SORBS2: variants seen among roughly 807,000 people sequenced by gnomAD.
SORBS2 encodes the protein sorbin and SH3 domain containing 2.
Under a neutral mutation model 97.7 loss-of-function variants are expected in SORBS2, and 46 were observed. The ratio of observed to expected loss-of-function variants is 0.47; its 90% CI spans 0.37 to 0.60. The LOEUF (loss-of-function observed/expected upper bound fraction) is 0.60. SORBS2 is among the 20% of genes least tolerant of loss of function. The pLI is 0.00. For missense variants in SORBS2, 1,316 were observed against 1,282.3 expected, an observed-to-expected ratio of 1.03 and a Z score of -0.40; for synonymous variants, 476 against 473.4, an observed-to-expected ratio of 1.01 and a Z score of -0.07.
At chr4:185,866,628 T>G (rs962931538) in intron 1 of SORBS2, among the ~76,000 whole-genome samples, 6 of 152,234 alleles carry the variant, frequency 3.9e-5, no homozygotes, top group Non-Finnish European at 5.9e-5. Flanking sequence ...CAGTTTCACC[T>G]CATTTCTCTT....
chr4:185,680,647 G>C (rs2153503319), intron 2 of SORBS2, among the ~76,000 whole-genome samples: 1 of 152,172 alleles, frequency 6.6e-6, no homozygotes, highest in South Asian at 2.1e-4. Flanking sequence ...TTTTATGCTT[G>C]GTTTGGTAAA....
chr4:185,623,871 G>A lies in SORBS2; in HGVS notation c.1258C>T (p.Leu420=). The stretch of plus-strand genomic sequence containing the variant: ...GGCATGGATTTGGACTTCTGGATCA[G>A]CTTTTCGAATTCGGAGATGCGTGTG... Residue 420 remains leucine (L), a synonymous_variant, in exon 7 of 15, where the codon CTG becomes TTG. Transcript: ENST00000418609. The surrounding 1 kb of genome is among the most constrained non-coding windows in gnomAD (Gnocchi z 6.4). 1 of 1,614,206 alleles carries A rather than the reference G, an allele frequency of 6.2e-7. No individual in the cohort carries two copies. The highest frequency in any genetic ancestry group is 8.5e-7 in the Non-Finnish European group (1 of 1,180,044).
chr4:185,938,385 C>CACAT (rs1242741800), intron 1 of SORBS2, among the ~76,000 whole-genome samples: 49 of 117,332 alleles, frequency 4.2e-4, no homozygotes, highest in African/African-American at 1.7e-3. Context: ...AAAATGTAGA[C>CACAT]ACATACACAC....
intron 1 of SORBS2, among the ~76,000 whole-genome samples, chr4:185,925,874 C>G (rs1242096296): frequency 1.3e-5 from 2 of 152,192 alleles, no homozygotes; most frequent in African/African-American, 4.8e-5. Flanking sequence ...TAACTAGGGA[C>G]TCAATCCATA....
rs35920261 is a variant in SORBS2, at chr4:185,702,659, C to CT, written c.-197-23838dup. On this transcript the variant is annotated intron_variant, in intron 2 of 20. Coordinates refer to the SORBS2 transcript ENST00000284776. ...GGTATGTGCTCTTAATGTTACATGA[C>CT]TTTTTTTTTTTTTATTGTACTAAAG... Among the ~76,000 whole-genome samples, 1,201 of 147,502 alleles carry CT rather than the reference C, an allele frequency of 8.1e-3. 12 individuals are homozygous for CT. Among genetic ancestry groups the CT allele is most frequent in the African/African-American group, 0.027 (1,084 of 39,886 alleles).
At chr4:185,725,009 T>C (rs1235714587) in intron 2 of SORBS2, among the ~76,000 whole-genome samples, 1 of 152,216 alleles carries the variant, frequency 6.6e-6, no homozygotes, top group African/African-American at 2.4e-5. Flanking sequence ...ATATCTTTCA[T>C]GCTCAGTGTA....
rs146435573 is a variant in SORBS2, at chr4:185,799,276, T to C, written c.-337-23910A>G. On this transcript the variant is annotated intron_variant, in intron 1 of 20. Coordinates refer to the SORBS2 transcript ENST00000284776. ...ATAAGCATGAGATTCACTTAAAGTT[T>C]GACAAATTTAGCAACTCCTTTCCAT... Among the ~76,000 whole-genome samples the C allele has an allele frequency of 3.4e-4, 52 of 152,314 alleles. 1 individual carries two copies. The highest frequency in any genetic ancestry group is 1.2e-3 in the African/African-American group (51 of 41,570).
intron 1 of SORBS2, among the ~76,000 whole-genome samples, chr4:185,953,094 C>T (rs953237559): frequency 6.6e-6 from 1 of 152,186 alleles, no homozygotes; most frequent in African/African-American, 2.4e-5. Flanking sequence ...GCGGGTGGAT[C>T]ACCTGAGGTC....
At chr4:185,940,431 C>G (rs761512178) in intron 1 of SORBS2, among the ~76,000 whole-genome samples, 1 of 152,172 alleles carries the variant, frequency 6.6e-6, no homozygotes, top group Non-Finnish European at 1.5e-5. Context: ...ACATTGCAAT[C>G]CTGTTGCAGC....
chr4:185,851,972 A>G (rs1460979239), intron 1 of SORBS2, among the ~76,000 whole-genome samples: 1 of 152,208 alleles, frequency 6.6e-6, no homozygotes, highest in South Asian at 2.1e-4. Flanking sequence ...CCTGACTAAT[A>G]TAAGACTGTA....
chr4:185,629,744 G>A (rs1192633360), intron 5 of SORBS2, among the ~76,000 whole-genome samples: 1 of 151,798 alleles, frequency 6.6e-6, no homozygotes, highest in Non-Finnish European at 1.5e-5. Flanking sequence ...TGTAGTTTTA[G>A]TAGTGATGGG....
At chr4:185,595,608 A>ATAT (rs1265414525) in intron 12 of SORBS2, among the ~76,000 whole-genome samples, 2 of 152,130 alleles carry the variant, frequency 1.3e-5, no homozygotes, top group Non-Finnish European at 2.9e-5. Context: ...ATTGCCATTA[A>ATAT]TATTATTTTG....
intron 4 of SORBS2, among the ~76,000 whole-genome samples, chr4:185,669,752 T>C (rs1414681114): frequency 6.6e-6 from 1 of 151,996 alleles, no homozygotes; most frequent in African/African-American, 2.4e-5. Flanking sequence ...TGCCAAGCCA[T>C]AGGAAAAGAG....
At chr4:185,844,311 T>A (rs2099213239) in intron 1 of SORBS2, among the ~76,000 whole-genome samples, 1 of 152,100 alleles carries the variant, frequency 6.6e-6, no homozygotes, top group Non-Finnish European at 1.5e-5. Flanking sequence ...AAAGAGACAT[T>A]TCTCTAAAGA....
intron 1 of SORBS2, among the ~76,000 whole-genome samples, chr4:185,835,652 ATTT>A (rs5864964): frequency 0.044 from 5,361 of 122,232 alleles, 248 homozygotes; most frequent in African/African-American, 0.13. Flanking sequence ...TTTTGAAAGG[ATTT>A]TTTTTTTTTT....
chr4:185,917,442 G>A (rs2099258794), intron 1 of SORBS2, among the ~76,000 whole-genome samples: 2 of 152,140 alleles, frequency 1.3e-5, no homozygotes, highest in Admixed American at 1.3e-4. Context: ...TGTCCAGGCT[G>A]GTATTGAACT....
intron 1 of SORBS2, among the ~76,000 whole-genome samples, chr4:185,871,707 C>T (rs2099230504): frequency 6.6e-6 from 1 of 152,214 alleles, no homozygotes; most frequent in Admixed American, 6.5e-5. Flanking sequence ...CGGCATATTG[C>T]AGGTCCTGTG....
chr4:185,588,359 G>A (rs997488631), intron 14 of SORBS2, among the ~76,000 whole-genome samples: 12 of 152,138 alleles, frequency 7.9e-5, no homozygotes, highest in East Asian at 7.7e-4. Context: ...TTAACCACAC[G>A]CACAAATGGC....
intron 13 of SORBS2, among the ~76,000 whole-genome samples, chr4:185,590,722 C>T (rs528955779): frequency 1.3e-5 from 2 of 152,210 alleles, no homozygotes; most frequent in African/African-American, 2.4e-5. Context: ...AAACACCATA[C>T]ATTATAATAA....
Sources: gnomAD v4.1 joint callset for allele counts (sites outside exome capture counted in the v4.1 genomes callset) on GRCh38, gnomAD v4.1.1 for gene constraint, Gnocchi (gnomAD v3.1) non-coding constraint, MANE v1.5 for transcripts, NCBI Gene and HGNC (gene_info 2026-07-23, HGNC 2026-07-21) for gene names.